GRM8: variants seen among roughly 807,000 people sequenced by gnomAD.
GRM8 encodes the protein metabotropic glutamate receptor 8.
In GRM8, 47 loss-of-function variants were observed where a neutral mutation model predicts 87.2. The ratio of observed to expected loss-of-function variants is 0.54; its 90% CI spans 0.43 to 0.69. The LOEUF is 0.69. Ranked by LOEUF, GRM8 falls within the 30% of genes least tolerant of loss-of-function variation. GRM8 has a pLI of 0.00. For synonymous variants in GRM8, 396 were observed against 404.5 expected (o/e 0.98, Z 0.25); for missense variants, 1,019 against 1,139.2 (o/e 0.89, Z 1.52).
chr7:126,798,256 GA>G (rs1403837158), intron 6 of GRM8, among the ~76,000 whole-genome samples: 1 of 151,860 alleles, frequency 6.6e-6, no homozygotes, highest in East Asian at 1.9e-4. Flanking sequence ...TCAGGATTAA[GA>G]AAAAAGGCTT....
At chr7:126,495,240 A>C (rs1808560931) in intron 9 of GRM8, among the ~76,000 whole-genome samples, 1 of 152,010 alleles carries the variant, frequency 6.6e-6, no homozygotes, top group African/African-American at 2.4e-5. Flanking sequence ...TTAATGGAAA[A>C]TTTTAGAAGA....
chr7:126,987,448 T>C (rs931255528), intron 3 of GRM8, among the ~76,000 whole-genome samples: 1 of 151,754 alleles, frequency 6.6e-6, no homozygotes, highest in African/African-American at 2.4e-5. Context: ...GTTCACAGTT[T>C]TTTTTTTTGT....
intron 3 of GRM8, among the ~76,000 whole-genome samples, chr7:126,980,662 G>A (rs778031356): frequency 1.1e-4 from 16 of 152,188 alleles, no homozygotes; most frequent in South Asian, 2.1e-4. Context: ...CTAGGCATTC[G>A]CCCTTGGAAG....
chr7:127,115,787 AC>A (rs1826665829), intron 2 of GRM8, among the ~76,000 whole-genome samples: 1 of 152,200 alleles, frequency 6.6e-6, no homozygotes. Context: ...TAAAAGTTTT[AC>A]TAGCAAGTTG....
chr7:126,672,674 T>C (rs1238802247), intron 7 of GRM8, among the ~76,000 whole-genome samples: 1 of 152,154 alleles, frequency 6.6e-6, no homozygotes, highest in African/African-American at 2.4e-5. Context: ...CCTCTTCCAG[T>C]AGGGCTTTTG....
chr7:126,980,266 C>G (rs1178256902), intron 3 of GRM8, among the ~76,000 whole-genome samples: 4 of 141,594 alleles, frequency 2.8e-5, no homozygotes. Flanking sequence ...TCTCATGGAG[C>G]TTACATTCTG....
intron 1 of GRM8, among the ~76,000 whole-genome samples, chr7:127,244,967 G>T (rs1374836089): frequency 6.6e-6 from 1 of 152,138 alleles, no homozygotes; most frequent in African/African-American, 2.4e-5. Flanking sequence ...TTAAGCCTTA[G>T]ATTTCCTCTG....
chr7:127,170,501 C>A (rs1332183465), intron 2 of GRM8, among the ~76,000 whole-genome samples: 1 of 152,158 alleles, frequency 6.6e-6, no homozygotes, highest in Non-Finnish European at 1.5e-5. Flanking sequence ...TACCTACCCA[C>A]AGGAAAAGAA....
At chr7:126,892,303 C>T (rs370242468) in intron 6 of GRM8, among the ~76,000 whole-genome samples, 1 of 152,020 alleles carries the variant, frequency 6.6e-6, no homozygotes, top group African/African-American at 2.4e-5. Context: ...AACCCCACAA[C>T]GGTCCCCAGA....
Position 127,200,922 on chromosome 7 carries a change from C to T in GRM8, c.510+41773G>A, listed in dbSNP as rs563917030. Among the ~76,000 whole-genome samples, 7 of 152,308 alleles carry T rather than the reference C, an allele frequency of 4.6e-5. No individual in the cohort carries two copies. In the South Asian group the frequency reaches 1.4e-3, roughly 32 times the overall value. On this transcript the variant is annotated intron_variant, in intron 2 of 10. Coordinates refer to ENST00000339582, the MANE Select transcript of GRM8 (RefSeq NM_000845.3). ...TGTACATATGGAGTGCAAAACTACT[C>T]ACCTTTCCTTTACCAAGGAATTTCT...
chr7:126,808,752 T>A (rs1208035215), intron 6 of GRM8, among the ~76,000 whole-genome samples: 2 of 152,206 alleles, frequency 1.3e-5, no homozygotes, highest in South Asian at 4.1e-4. Context: ...AACTGTAGTA[T>A]GAAATGCAAA....
intron 2 of GRM8, among the ~76,000 whole-genome samples, chr7:127,172,559 T>A (rs1793872562): frequency 6.6e-6 from 1 of 151,826 alleles, no homozygotes; most frequent in East Asian, 1.9e-4. Context: ...ACAAAAAAAA[T>A]TAGCCAGGTG....
chr7:126,826,339 A>G (rs1219827732), intron 6 of GRM8, among the ~76,000 whole-genome samples: 1 of 152,208 alleles, frequency 6.6e-6, no homozygotes, highest in African/African-American at 2.4e-5. Flanking sequence ...TCCCAACAAC[A>G]GTGTAAAAGT....
intron 3 of GRM8, among the ~76,000 whole-genome samples, chr7:126,963,679 T>G (rs1435117756): frequency 6.6e-6 from 1 of 152,174 alleles, no homozygotes; most frequent in Non-Finnish European, 1.5e-5. Context: ...CACAAATAAA[T>G]GGAAAGACAT....
chr7:127,178,229 A>G (rs1794228923), intron 2 of GRM8, among the ~76,000 whole-genome samples: 1 of 152,200 alleles, frequency 6.6e-6, no homozygotes, highest in Non-Finnish European at 1.5e-5. Context: ...CAGCAATATA[A>G]TTGAGCAAGT....
At chr7:126,934,546 G>C (rs190456861) in intron 3 of GRM8, among the ~76,000 whole-genome samples, 1 of 152,178 alleles carries the variant, frequency 6.6e-6, no homozygotes, top group Non-Finnish European at 1.5e-5. Context: ...TTAAGGGTCA[G>C]AGACAGAAAT....
At chr7:127,095,990 G>C (rs936813378) in intron 3 of GRM8, among the ~76,000 whole-genome samples, 4 of 152,164 alleles carry the variant, frequency 2.6e-5, no homozygotes, top group Non-Finnish European at 5.9e-5. Context: ...AAGGAAGCAA[G>C]CAGATTTGGT....
intron 6 of GRM8, among the ~76,000 whole-genome samples, chr7:126,824,836 A>G (rs979406741): frequency 1.3e-5 from 2 of 152,218 alleles, no homozygotes; most frequent in African/African-American, 4.8e-5. Flanking sequence ...TAGCAGTCCC[A>G]TTATATTGGC....
At position 126,533,241 on chromosome 7, in the gene GRM8, A is replaced by C. The variant is rs1461900418; in HGVS notation, c.2141T>G (p.Phe714Cys). Residue 714 changes from phenylalanine to cysteine, a missense_variant, in exon 9 of 11, where the codon TTT becomes TGT. Physicochemically the swap from Phe to Cys is radical, Grantham distance 205. Transcript: ENST00000339582. ...GATGATGTGGGGGGGATCCACAACA[A>C]ACCAGACAAACACTCCAAGGAGCTG... ...SVQLLGVFVW[F>C]VVDPPHIIID... 1 of 1,613,590 alleles carries C rather than the reference A, an allele frequency of 6.2e-7. No homozygotes were observed. The highest frequency in any genetic ancestry group is 1.1e-5 in the South Asian group (1 of 91,044).
Sources: allele counts gnomAD v4.1 joint callset (sites outside exome capture counted in the v4.1 genomes callset), GRCh38; gene constraint gnomAD v4.1.1; transcripts MANE v1.5; gene names NCBI Gene and HGNC (gene_info 2026-07-23, HGNC 2026-07-21).